TMEM132D: variants seen among roughly 807,000 people sequenced by gnomAD.
TMEM132D encodes the protein transmembrane protein 132D, also known as mature OL transmembrane protein.
TMEM132D carries 21 observed loss-of-function variants against 62.3 expected under a neutral mutation model. That is an observed-to-expected ratio of 0.34 (90% confidence interval 0.24 to 0.49). The LOEUF is 0.49. TMEM132D is among the 20% of genes least tolerant of loss of function. TMEM132D has a pLI of 0.99. For synonymous variants in TMEM132D, 621 were observed against 575.6 expected (o/e 1.08, Z -1.13); for missense variants, 1,346 against 1,402.8 (o/e 0.96, Z 0.65).
chr12:129,561,258 G>C (rs1877218744), intron 2 of TMEM132D, among the ~76,000 whole-genome samples: 1 of 152,272 alleles, frequency 6.6e-6, no homozygotes, highest in South Asian at 2.1e-4. Flanking sequence ...TAAACAGTCT[G>C]AACCACTCAT....
chr12:129,634,309 C>T lies in TMEM132D; in HGVS notation c.968+65501G>A, dbSNP rs187908942. Among the ~76,000 whole-genome samples the T allele has an allele frequency of 2.1e-3, 263 of 125,838 alleles. 2 individuals carry two copies. The highest frequency in any genetic ancestry group is 7.2e-3 in the African/African-American group (231 of 32,014). The allele number at this position is 125,838 out of a possible 152,430, so 82.6% of individuals were successfully genotyped here. On this transcript the variant is annotated intron_variant, in intron 2 of 8. Transcript: ENST00000422113. ...ACAACATGGCCAGTGTCTGTCTATA[C>T]GTTAAAAAAAAAAAATTAGCGGGGT...
intron 4 of TMEM132D, among the ~76,000 whole-genome samples, chr12:129,303,932 G>A (rs892881815): frequency 3.9e-5 from 6 of 152,158 alleles, no homozygotes; most frequent in African/African-American, 1.4e-4. Context: ...AGCTCAAGAA[G>A]ACAGAGGGGA....
chr12:129,196,978 C>T (rs1387442533), intron 5 of TMEM132D, among the ~76,000 whole-genome samples: 1 of 152,058 alleles, frequency 6.6e-6, no homozygotes, highest in Non-Finnish European at 1.5e-5. Flanking sequence ...TGTAAGTCAC[C>T]ACCCGTGAAG....
At chr12:129,201,363 G>T (rs1878699232) in intron 5 of TMEM132D, among the ~76,000 whole-genome samples, 1 of 152,132 alleles carries the variant, frequency 6.6e-6, no homozygotes. Context: ...CAACCCCGAG[G>T]CTATCCCACT....
chr12:129,197,953 C>A (rs1878594279), intron 5 of TMEM132D, among the ~76,000 whole-genome samples: 1 of 152,010 alleles, frequency 6.6e-6, no homozygotes, highest in African/African-American at 2.4e-5. Flanking sequence ...GGAAACAATC[C>A]AATTAAAACA....
intron 3 of TMEM132D, among the ~76,000 whole-genome samples, chr12:129,413,646 G>A (rs931986323): frequency 1.3e-5 from 2 of 152,054 alleles, no homozygotes; most frequent in Non-Finnish European, 2.9e-5. Flanking sequence ...TTAGTCTTTT[G>A]AAAATGATAA....
chr12:129,832,907 T>A (rs1336278260), intron 1 of TMEM132D, among the ~76,000 whole-genome samples: 9 of 152,210 alleles, frequency 5.9e-5, no homozygotes, highest in Non-Finnish European at 2.9e-5. Flanking sequence ...AGTTCCACCT[T>A]GCTAAGAACT....
chr12:129,557,059 G>A (rs1877083043), intron 2 of TMEM132D, among the ~76,000 whole-genome samples: 1 of 152,162 alleles, frequency 6.6e-6, no homozygotes, highest in Non-Finnish European at 1.5e-5. Flanking sequence ...ATACCATGGT[G>A]ATTTGATACC....
Position 129,148,598 on chromosome 12 carries a change from C to A in TMEM132D, c.1443+60922G>T, listed in dbSNP as rs139974499. On this transcript the variant is annotated intron_variant, in intron 5 of 8. Transcript: ENST00000422113. ...GCCCTGCCAGTGCCTTGATTTATTC[C>A]CCATAGGACCCATGTTTGGACTTCT... 1.1e-3 allele frequency among the ~76,000 whole-genome samples: 165 copies of A among 152,272 alleles called. 2 individuals are homozygous for A. In the East Asian group the frequency reaches 0.029, roughly 27 times the overall value.
intron 3 of TMEM132D, among the ~76,000 whole-genome samples, chr12:129,458,501 A>G (rs1873552761): frequency 1.3e-5 from 2 of 152,068 alleles, no homozygotes; most frequent in South Asian, 4.1e-4. Context: ...CTAAGAAAAG[A>G]CCGTCTCAAA....
chr12:129,076,090 ACT>A (rs145321381), intron 8 of TMEM132D, among the ~76,000 whole-genome samples: 48 of 151,608 alleles, frequency 3.2e-4, no homozygotes, highest in South Asian at 1.5e-3. Context: ...AGCCAGCATT[ACT>A]CTCTCTCTCT....
chr12:129,667,520 TG>T (rs953540145), intron 2 of TMEM132D, among the ~76,000 whole-genome samples: 16 of 152,186 alleles, frequency 1.1e-4, no homozygotes, highest in Admixed American at 1.0e-3. Flanking sequence ...GTTATCATTT[TG>T]GCCAAATGAA....
chr12:129,319,526 T>C (rs924831645), intron 4 of TMEM132D, among the ~76,000 whole-genome samples: 2 of 152,170 alleles, frequency 1.3e-5, no homozygotes, highest in African/African-American at 4.8e-5. Flanking sequence ...AAAGTGACTG[T>C]GAGTAATGTG....
chr12:129,388,748 C>G (rs1179270264), intron 3 of TMEM132D, among the ~76,000 whole-genome samples: 1 of 128,062 alleles, frequency 7.8e-6, no homozygotes, highest in South Asian at 2.4e-4. Context: ...ACACTAACAG[C>G]AACACCAATA....
At chr12:129,515,250 G>A (rs1056933041) in intron 3 of TMEM132D, among the ~76,000 whole-genome samples, 3 of 152,044 alleles carry the variant, frequency 2.0e-5, no homozygotes, top group Non-Finnish European at 2.9e-5. Context: ...TGTTGCTGTC[G>A]GTACACTGGT....
chr12:129,278,510 T>C (rs374486988), intron 4 of TMEM132D, among the ~76,000 whole-genome samples: 2 of 151,884 alleles, frequency 1.3e-5, no homozygotes, highest in East Asian at 2.0e-4. Flanking sequence ...TGCATCCGGG[T>C]CTCAGCCAGG....
chr12:129,271,527 A>G (rs532107655), intron 4 of TMEM132D, among the ~76,000 whole-genome samples: 2 of 151,612 alleles, frequency 1.3e-5, no homozygotes, highest in African/African-American at 4.9e-5. Context: ...CTCCACATGC[A>G]TTAGGTATTT....
At chr12:129,822,246 G>A (rs1402581892) in intron 1 of TMEM132D, among the ~76,000 whole-genome samples, 1 of 152,152 alleles carries the variant, frequency 6.6e-6, no homozygotes, top group Non-Finnish European at 1.5e-5. Context: ...TAGAGGAGCT[G>A]AGAGACCTGC....
intron 2 of TMEM132D, among the ~76,000 whole-genome samples, chr12:129,660,254 T>C (rs1055540711): frequency 1.3e-5 from 2 of 152,168 alleles, no homozygotes; most frequent in African/African-American, 2.4e-5. Flanking sequence ...ATTCATTTTG[T>C]AACCAAATGC....
Sources: allele counts gnomAD v4.1 joint callset (sites outside exome capture counted in the v4.1 genomes callset), GRCh38; gene constraint gnomAD v4.1.1; transcripts MANE v1.5; gene names NCBI Gene and HGNC (gene_info 2026-07-23, HGNC 2026-07-21).